ARHGAP24: variants seen among roughly 807,000 people sequenced by gnomAD.
The protein encoded by ARHGAP24 is Rho GTPase activating protein 24, also known as rho GTPase-activating protein 24.
In ARHGAP24, 50 loss-of-function variants were observed where a neutral mutation model predicts 76.4. The ratio of observed to expected loss-of-function variants is 0.65; its 90% confidence interval spans 0.52 to 0.83. ARHGAP24 has a LOEUF of 0.83. Ranked by LOEUF, ARHGAP24 falls within the 40% of genes least tolerant of loss-of-function variation. ARHGAP24 has a pLI of 0.00. For synonymous variants in ARHGAP24, 345 were observed against 323.3 expected (o/e 1.07, Z -0.72); for missense variants, 930 against 914.2 (o/e 1.02, Z -0.22).
At chr4:85,663,900 G>A (rs1722505190) in intron 2 of ARHGAP24, among the ~76,000 whole-genome samples, 1 of 151,218 alleles carries the variant, frequency 6.6e-6, no homozygotes, top group African/African-American at 2.4e-5. Flanking sequence ...GCTTTTTGAT[G>A]TGCTGCTGGA....
chr4:85,635,275 C>CT (rs35767532), intron 2 of ARHGAP24, among the ~76,000 whole-genome samples: 408 of 150,986 alleles, frequency 2.7e-3, no homozygotes, highest in African/African-American at 9.1e-3. Context: ...TAGTTACCCA[C>CT]TTTTTTTTTA....
At chr4:85,683,191 A>C (rs893376794) in intron 2 of ARHGAP24, among the ~76,000 whole-genome samples, 1 of 148,902 alleles carries the variant, frequency 6.7e-6, no homozygotes, top group Non-Finnish European at 1.5e-5. Context: ...AAAACATGGC[A>C]GTTCTTATAA....
At chr4:85,905,323 A>G (rs1356804715) in intron 3 of ARHGAP24, among the ~76,000 whole-genome samples, 1 of 152,176 alleles carries the variant, frequency 6.6e-6, no homozygotes, top group Non-Finnish European at 1.5e-5. Flanking sequence ...TATTATGTAC[A>G]TTATCCCATT....
At chr4:85,894,096 T>TAAAA (rs139310412) in intron 3 of ARHGAP24, among the ~76,000 whole-genome samples, 91 of 53,676 alleles carry the variant, frequency 1.7e-3, no homozygotes, top group Non-Finnish European at 2.6e-3. Flanking sequence ...ACTTAGAGTA[T>TAAAA]AATAAAAAAA....
At chr4:85,861,192 C>A (rs1051638514) in intron 3 of ARHGAP24, among the ~76,000 whole-genome samples, 2 of 152,022 alleles carry the variant, frequency 1.3e-5, no homozygotes, top group Non-Finnish European at 2.9e-5. Flanking sequence ...ACTAACCTGC[C>A]TTGTCATTCA....
At chr4:85,533,458 A>G (rs940751295) in intron 1 of ARHGAP24, among the ~76,000 whole-genome samples, 2 of 152,200 alleles carry the variant, frequency 1.3e-5, no homozygotes, top group Non-Finnish European at 2.9e-5. Flanking sequence ...TTTACTTGAC[A>G]TGCATTCAGC....
chr4:85,938,156 G>C (rs1042582979), intron 4 of ARHGAP24, among the ~76,000 whole-genome samples: 1 of 152,132 alleles, frequency 6.6e-6, no homozygotes, highest in African/African-American at 2.4e-5. Flanking sequence ...TGTGATTTAC[G>C]TTCTCAGTCT....
chr4:85,623,018 T>C (rs962846896), intron 2 of ARHGAP24, among the ~76,000 whole-genome samples: 2 of 152,158 alleles, frequency 1.3e-5, no homozygotes, highest in Non-Finnish European at 2.9e-5. Context: ...GATGAGTGGG[T>C]TGCAAAGATT....
intron 3 of ARHGAP24, among the ~76,000 whole-genome samples, chr4:85,774,613 C>A (rs1177539799): frequency 6.6e-6 from 1 of 152,118 alleles, no homozygotes; most frequent in Non-Finnish European, 1.5e-5. Flanking sequence ...TACATATATC[C>A]ACAGACGATA....
rs267600283 is a variant in ARHGAP24, at chr4:85,995,140, A to T, written c.1486A>T (p.Thr496Ser). Residue 496 changes from threonine to serine, a missense_variant, in exon 9 of 10, where the codon ACA becomes TCA. Coordinates refer to ENST00000395184, the MANE Select transcript of ARHGAP24 (RefSeq NM_001025616.3). Reference sequence around the variant, plus strand: ...GAACAGCGACACACTCGGGAACCCCACAAATGTTCGAAACATGAGCTGGCT... The same window carrying T: ...GAACAGCGACACACTCGGGAACCCCTCAAATGTTCGAAACATGAGCTGGCT... ...ILNSDTLGNP[T>S]NVRNMSWLPN... is the part of the protein sequence containing the mutation. The T allele has an allele frequency of 6.2e-7, 1 of 1,614,096 alleles. No homozygotes were observed. The highest frequency in any genetic ancestry group is 8.5e-7 in the Non-Finnish European group (1 of 1,180,024).
intron 3 of ARHGAP24, among the ~76,000 whole-genome samples, chr4:85,762,746 A>G (rs1338006698): frequency 6.6e-6 from 1 of 152,176 alleles, no homozygotes; most frequent in Non-Finnish European, 1.5e-5. Flanking sequence ...GGCTGACCCA[A>G]CAGGAAATAA....
chr4:85,872,595 CTTTTTTT>C (rs5860005), intron 3 of ARHGAP24, among the ~76,000 whole-genome samples: 1 of 73,166 alleles, frequency 1.4e-5, no homozygotes, highest in East Asian at 4.5e-4. Flanking sequence ...TGCATCTGGC[CTTTTTTT>C]TTTTTTTTTT....
At chr4:85,629,296 T>G (rs951047825) in intron 2 of ARHGAP24, among the ~76,000 whole-genome samples, 66 of 152,342 alleles carry the variant, frequency 4.3e-4, no homozygotes, top group African/African-American at 1.5e-3. Flanking sequence ...TTTATGTCTT[T>G]AATATATTGT....
chr4:85,789,232 A>C (rs1728003644), intron 3 of ARHGAP24, among the ~76,000 whole-genome samples: 1 of 151,808 alleles, frequency 6.6e-6, no homozygotes, highest in Non-Finnish European at 1.5e-5. Context: ...AAAAAAAAAA[A>C]AAAAAAGATG....
At chr4:85,659,062 G>A (rs975228575) in intron 2 of ARHGAP24, among the ~76,000 whole-genome samples, 3 of 152,156 alleles carry the variant, frequency 2.0e-5, no homozygotes, top group African/African-American at 4.8e-5. Context: ...ATTTGACAAC[G>A]TCTGGAGACA....
chr4:85,571,226 T>C (rs1727128604), intron 2 of ARHGAP24, among the ~76,000 whole-genome samples: 1 of 152,244 alleles, frequency 6.6e-6, no homozygotes, highest in South Asian at 2.1e-4. Context: ...TCAACCAGCA[T>C]ACATAATGTA....
chr4:85,878,281 G>A (rs1031348113), intron 3 of ARHGAP24, among the ~76,000 whole-genome samples: 1 of 152,094 alleles, frequency 6.6e-6, no homozygotes, highest in Non-Finnish European at 1.5e-5. Context: ...TGTGAGTTGA[G>A]AGTAGAATAT....
intron 2 of ARHGAP24, among the ~76,000 whole-genome samples, chr4:85,607,498 G>A (rs966921955): frequency 6.6e-6 from 1 of 151,818 alleles, no homozygotes; most frequent in Non-Finnish European, 1.5e-5. Context: ...AAAATATCAT[G>A]CAGGAATCAT....
chr4:85,709,460 G>A (rs887878709), intron 2 of ARHGAP24, among the ~76,000 whole-genome samples: 5 of 151,930 alleles, frequency 3.3e-5, no homozygotes, highest in African/African-American at 1.2e-4. Flanking sequence ...TAGGAATAGA[G>A]GGGAACCCCT....
Sources: allele counts gnomAD v4.1 joint callset (sites outside exome capture counted in the v4.1 genomes callset), GRCh38; gene constraint gnomAD v4.1.1; transcripts MANE v1.5; gene names NCBI Gene and HGNC (gene_info 2026-07-23, HGNC 2026-07-21).